The following KCNJ6 variants were observed in gnomAD, a reference collection of about 807,000 sequenced individuals.
KCNJ6 encodes G protein-activated inward rectifier potassium channel 2.
Under a neutral mutation model 34.2 loss-of-function variants are expected in KCNJ6, and 9 were observed. The ratio of observed to expected loss-of-function variants is 0.26; its 90% confidence interval spans 0.16 to 0.46. The LOEUF is 0.46. KCNJ6 is among the 20% of genes least tolerant of loss of function. The pLI, the probability that KCNJ6 is intolerant of heterozygous loss-of-function variation, is 1.00. For missense variants in KCNJ6, 236 were observed against 531.3 expected (o/e 0.44, Z 5.46); for synonymous variants, 196 against 207.1 (o/e 0.95, Z 0.46).
rs187667301 is a variant in KCNJ6 at position 37,845,107 on chromosome 21, G to A, written c.-27-4398C>T. Among the ~76,000 whole-genome samples the A allele has an allele frequency of 3.0e-3, 457 of 152,324 alleles. 3 individuals carry two copies. The highest frequency in any genetic ancestry group is 4.8e-3 in the South Asian group (23 of 4,828). ...TTACTCCCGCGGAAGTCAGCAACAT[G>A]AAGAGGATACCTGAACATGCTTTGA... On this transcript the variant is annotated intron_variant, in intron 1 of 3. Transcript: ENST00000609713.
At chr21:37,908,799 C>G (rs76385784) in intron 1 of KCNJ6, among the ~76,000 whole-genome samples, 1 of 152,184 alleles carries the variant, frequency 6.6e-6, no homozygotes, top group Non-Finnish European at 1.5e-5. Flanking sequence ...AATCTTTTCA[C>G]CACTGGGACA....
At chr21:37,700,404 AAGGAC>A (rs1272713781) in intron 3 of KCNJ6, among the ~76,000 whole-genome samples, 1 of 152,234 alleles carries the variant, frequency 6.6e-6, no homozygotes, top group Non-Finnish European at 1.5e-5. Flanking sequence ...TAGTGGGGCA[AAGGAC>A]AGGACACCTG....
In KCNJ6 at chr21:37,890,647, T is replaced by G. The variant is rs2123633972; in HGVS notation, c.-28+25237A>C. 1.3e-5 allele frequency among the ~76,000 whole-genome samples: 2 copies of G among 152,314 alleles called. 1 individual carries two copies. The highest frequency in any genetic ancestry group is 3.9e-4 in the East Asian group (2 of 5,178). On this transcript the variant is annotated intron_variant, in intron 1 of 3. Transcript: ENST00000609713. ...TCTATGTGTGAAACACATGCTGAGA[T>G]TTCTGATTTCTGAGAGTTGAAAAGA... is the stretch of plus-strand genomic sequence containing the variant.
rs181016480 is a variant in KCNJ6 at position 37,744,704 on chromosome 21, T to C, written c.26-29573A>G. 1.2e-4 allele frequency among the ~76,000 whole-genome samples: 18 copies of C among 152,294 alleles called. No homozygotes were observed. In the East Asian group the frequency reaches 3.5e-3, roughly 29 times the overall value. ...TCTCCTATGCAATGTTTTTCAGATG[T>C]TCCTGAGATATTCAAGTCTAGAGAC... On this transcript the variant is annotated intron_variant, in intron 2 of 3. Transcript: ENST00000609713.
At chr21:37,737,709 T>C (rs1376406024) in intron 2 of KCNJ6, among the ~76,000 whole-genome samples, 2 of 152,234 alleles carry the variant, frequency 1.3e-5, no homozygotes, top group Non-Finnish European at 1.5e-5. Context: ...AAAGTCTCCC[T>C]GCTGATTCTC....
chr21:37,874,139 G>C (rs188737239), intron 1 of KCNJ6, among the ~76,000 whole-genome samples: 1 of 152,256 alleles, frequency 6.6e-6, no homozygotes, highest in East Asian at 1.9e-4. Flanking sequence ...AGCTGCTCCT[G>C]TCTGGGCCCG....
intron 3 of KCNJ6, among the ~76,000 whole-genome samples, chr21:37,649,132 CAAA>C (rs1169306298): frequency 2.0e-4 from 8 of 40,034 alleles, no homozygotes; most frequent in Non-Finnish European, 2.6e-4. Flanking sequence ...GACTCCATCT[CAAA>C]AAAAAAAAAA....
At chr21:37,636,201 G>A (rs1425912615) in intron 3 of KCNJ6, among the ~76,000 whole-genome samples, 6 of 152,180 alleles carry the variant, frequency 3.9e-5, no homozygotes, top group Admixed American at 3.9e-4. Flanking sequence ...ACACAGGTGA[G>A]GGCAGATCTT....
In KCNJ6 at chr21:37,675,176, G is replaced by C. The variant is rs2054559081; in HGVS notation, c.946+39035C>G. Among the ~76,000 whole-genome samples, 1 of 152,136 alleles carries C rather than the reference G, an allele frequency of 6.6e-6. No homozygotes were observed. Among genetic ancestry groups the C allele is most frequent in the South Asian group, 2.1e-4 (1 of 4,834 alleles). On this transcript the variant is annotated intron_variant, in intron 3 of 3. Coordinates refer to ENST00000609713, the MANE Select transcript of KCNJ6 (RefSeq NM_002240.5). The surrounding 1 kb of genome is among the most constrained non-coding windows in gnomAD (Gnocchi z 4.2). ...ATTTAATGTGATATTCCCAGCGTCTGGCAATGTAGCAGGGGCTCCGTTTTG... is the reference window on the plus strand; with the variant it reads ...ATTTAATGTGATATTCCCAGCGTCTCGCAATGTAGCAGGGGCTCCGTTTTG...
intron 3 of KCNJ6, among the ~76,000 whole-genome samples, chr21:37,628,288 A>G (rs1311425000): frequency 6.6e-6 from 1 of 152,208 alleles, no homozygotes; most frequent in African/African-American, 2.4e-5. Context: ...TGTCTAAAGA[A>G]CAAAAGGAAA....
In KCNJ6 at chr21:37,609,320, C is replaced by T. The variant is rs1392940416; in HGVS notation, c.*15839G>A. The T allele has an allele frequency of 1.3e-5, 2 of 152,138 alleles. No homozygotes were observed. Among genetic ancestry groups the T allele is most frequent in the Non-Finnish European group, 2.9e-5 (2 of 68,040 alleles). 9.4% of individuals were successfully genotyped at this position (152,138 alleles called of 1,614,324 possible). ...TGGTGAGAATAAGAAGTTCCAGGTACATAGAAACATGAATGTCCACAAACA... is the reference window on the plus strand; with the variant it reads ...TGGTGAGAATAAGAAGTTCCAGGTATATAGAAACATGAATGTCCACAAACA... On this transcript the variant is annotated 3_prime_UTR_variant, in exon 4 of 4. Coordinates refer to ENST00000609713, the MANE Select transcript of KCNJ6 (RefSeq NM_002240.5).
At chr21:37,699,787 T>C (rs2054681196) in intron 3 of KCNJ6, among the ~76,000 whole-genome samples, 2 of 152,238 alleles carry the variant, frequency 1.3e-5, no homozygotes, top group South Asian at 2.1e-4. Flanking sequence ...CTTTAAACTC[T>C]CTGTATTTAT....
At chr21:37,829,281 C>T (rs956195289) in intron 2 of KCNJ6, among the ~76,000 whole-genome samples, 2 of 151,842 alleles carry the variant, frequency 1.3e-5, no homozygotes, top group Non-Finnish European at 2.9e-5. Flanking sequence ...TGGTGGGAGG[C>T]GGGGAAGGCG....
At chr21:37,877,547 T>G (rs968338606) in intron 1 of KCNJ6, among the ~76,000 whole-genome samples, 2 of 152,342 alleles carry the variant, frequency 1.3e-5, no homozygotes, top group East Asian at 3.9e-4. Flanking sequence ...AATATTCTGT[T>G]AATGCATCAA....
intron 2 of KCNJ6, among the ~76,000 whole-genome samples, chr21:37,785,352 C>A (rs1387784759): frequency 1.3e-5 from 2 of 152,164 alleles, no homozygotes; most frequent in African/African-American, 4.8e-5. Context: ...ACAAGCACTG[C>A]TTAAGCTGAG....
At chr21:37,862,071 A>G (rs1359861432) in intron 1 of KCNJ6, among the ~76,000 whole-genome samples, 2 of 152,216 alleles carry the variant, frequency 1.3e-5, no homozygotes, top group Non-Finnish European at 2.9e-5. Flanking sequence ...AGCCCCAAGT[A>G]AGGCTTAGAA....
At chr21:37,788,281 G>T (rs892840253) in intron 2 of KCNJ6, among the ~76,000 whole-genome samples, 3 of 152,186 alleles carry the variant, frequency 2.0e-5, no homozygotes, top group Non-Finnish European at 2.9e-5. Flanking sequence ...AATTCCAGTA[G>T]CTAGCCATGG....
At chr21:37,794,828 A>T (rs761845665) in intron 2 of KCNJ6, among the ~76,000 whole-genome samples, 1 of 152,144 alleles carries the variant, frequency 6.6e-6, no homozygotes, top group African/African-American at 2.4e-5. Context: ...ACCATGACAC[A>T]TGTATACCTA....
chr21:37,624,827 C>T lies in KCNJ6; in HGVS notation c.*332G>A, dbSNP rs984167106. ...TATCCCAGGTAAAATCTTTGACACA[C>T]CTTTTTGAGTGATCTGGTATTGTAC... is the stretch of plus-strand genomic sequence containing the variant. On this transcript the variant is annotated 3_prime_UTR_variant, in exon 4 of 4. Transcript: ENST00000609713. 9 of 255,572 alleles carry T rather than the reference C, an allele frequency of 3.5e-5. No homozygotes were observed. Among genetic ancestry groups the T allele is most frequent in the Non-Finnish European group, 5.9e-5 (8 of 134,718 alleles). The allele number at this position is 255,572 out of a possible 1,614,324, so 15.8% of individuals were successfully genotyped here. A position where few individuals can be genotyped will look rare whatever the true frequency, so the allele number is the denominator to read the frequency against.
Sources: gnomAD v4.1 joint callset for allele counts (sites outside exome capture counted in the v4.1 genomes callset) on GRCh38, gnomAD v4.1.1 for gene constraint, Gnocchi (gnomAD v3.1) non-coding constraint, MANE v1.5 for transcripts, NCBI Gene and HGNC (gene_info 2026-07-23, HGNC 2026-07-21) for gene names.